DHRS3: variants seen among roughly 807,000 people sequenced by gnomAD.
DHRS3 encodes the protein short-chain dehydrogenase/reductase 3.
In DHRS3, 14 loss-of-function variants were observed where a neutral mutation model predicts 27.2. That is an observed-to-expected ratio of 0.52 (90% confidence interval 0.34 to 0.81). The LOEUF is 0.81. DHRS3 is among the 30% of genes least tolerant of loss of function. The probability of loss-of-function intolerance (pLI) is 0.01; values close to 1 mark genes in which losing one functional copy is unlikely to be tolerated. For missense variants in DHRS3, 322 were observed against 406.2 expected (o/e 0.79, Z 1.78); for synonymous variants, 165 against 175.9 (o/e 0.94, Z 0.49).
intron 1 of DHRS3, among the ~76,000 whole-genome samples, chr1:12,583,206 A>C (rs1335610599): frequency 7.0e-6 from 1 of 141,902 alleles, no homozygotes. Flanking sequence ...CCACCCATCC[A>C]TCCATCTATC....
At chr1:12,600,656 C>T (rs1182512262) in intron 1 of DHRS3, among the ~76,000 whole-genome samples, 2 of 152,126 alleles carry the variant, frequency 1.3e-5, no homozygotes, top group African/African-American at 4.8e-5. Context: ...AAAAGGAAGA[C>T]CCCCCTCACC....
chr1:12,615,495 C>G (rs1646938899), intron 1 of DHRS3, among the ~76,000 whole-genome samples: 1 of 152,196 alleles, frequency 6.6e-6, no homozygotes, highest in African/African-American at 2.4e-5. Flanking sequence ...ATGCCATACA[C>G]TTCTTTCAAT....
chr1:12,612,449 A>G (rs1235746481), intron 1 of DHRS3, among the ~76,000 whole-genome samples: 1 of 152,280 alleles, frequency 6.6e-6, no homozygotes, highest in East Asian at 1.9e-4. Context: ...CCAGCCAGGT[A>G]GAGCTTTTGA....
At chr1:12,613,386 A>G (rs1207812378) in intron 1 of DHRS3, among the ~76,000 whole-genome samples, 2 of 152,172 alleles carry the variant, frequency 1.3e-5, no homozygotes, top group Non-Finnish European at 2.9e-5. Flanking sequence ...CACTGTAAGC[A>G]CCTGGCCACA....
intron 2 of DHRS3, 83 bp downstream of exon 2, chr1:12,580,440 C>T (rs776164772): frequency 3.1e-6 from 5 of 1,598,734 alleles, no homozygotes; most frequent in Non-Finnish European, 4.3e-6. Flanking sequence ...GAGCTCTCTT[C>T]CAGGCCACAT....
Position 12,578,858 on chromosome 1 carries a change from G to C in DHRS3, c.558C>G (p.Ile186Met), listed in dbSNP as rs147019072. ...VLALSAIPGA[I>M]DYCTSKASAF... Reference sequence around the variant, plus strand: ...CTGACGCTTTGGATGTGCAGTAGTCGATGGCACCGGGGATGGCAGACAGTG... The same window carrying C: ...CTGACGCTTTGGATGTGCAGTAGTCCATGGCACCGGGGATGGCAGACAGTG... The change falls in exon 4 of 6, where the codon ATC becomes ATG. Residue 186 changes from isoleucine (I) to methionine (M), a missense_variant. Physicochemically the swap from Ile to Met is conservative, Grantham distance 10. Transcript: ENST00000616661. The surrounding 1 kb of genome is among the most constrained non-coding windows in gnomAD (Gnocchi z 4.5). 9 of 1,613,886 alleles carry C rather than the reference G, an allele frequency of 5.6e-6. No individual in the cohort carries two copies. Among genetic ancestry groups the C allele is most frequent in the Non-Finnish European group, 7.6e-6 (9 of 1,180,036 alleles).
rs1289534663 is a variant in DHRS3, at chr1:12,618,037, G to C, written c.-689C>G. On this transcript the variant is annotated 5_prime_UTR_variant, in exon 1 of 6. Coordinates refer to ENST00000616661, the MANE Select transcript of DHRS3 (RefSeq NM_004753.7). This position sits in a 1 kb window ranked among gnomAD's most constrained non-coding sequence, Gnocchi z 4.2. Reference sequence around the variant, plus strand: ...GGGTGTCAGTTTCTTTACGTGCAGCGCTCGCCCTCGCGCGCGCTCGCTCGC... The same window carrying C: ...GGGTGTCAGTTTCTTTACGTGCAGCCCTCGCCCTCGCGCGCGCTCGCTCGC... Among the ~76,000 whole-genome samples the C allele has an allele frequency of 6.6e-6, 1 of 151,870 alleles. No homozygotes were observed. Among genetic ancestry groups the C allele is most frequent in the Non-Finnish European group, 1.5e-5 (1 of 67,948 alleles).
At chr1:12,580,190 G>C (rs569350023) in intron 2 of DHRS3, 19 of 379,840 alleles carry the variant, frequency 5.0e-5, no homozygotes, top group Middle Eastern at 1.7e-3. Context: ...CTCTCTTGGA[G>C]GTCACTGATA....
At position 12,616,654 on chromosome 1, in the gene DHRS3, C is replaced by T. The variant is rs375078916; in HGVS notation, c.195+500G>A. ...ACAAGACCGCTCTTCCCTTTTCAAA[C>T]CCAAACCAAGTACCCTCTCTCGTGT... On this transcript the variant is annotated intron_variant, in intron 1 of 5. Transcript: ENST00000616661. 8.6e-5 allele frequency: 86 copies of T among 994,328 alleles called. No homozygotes were observed. In the East Asian group the frequency reaches 7.2e-3, roughly 83 times the overall value. The allele number at this position is 994,328 out of a possible 1,614,324, so 61.6% of individuals were successfully genotyped here. A position where few individuals can be genotyped will look rare whatever the true frequency, so the allele number is the denominator to read the frequency against.
Position 12,618,076 on chromosome 1 carries a change from C to T in DHRS3, c.-728G>A, listed in dbSNP as rs1051316878. Among the ~76,000 whole-genome samples the T allele has an allele frequency of 6.6e-6, 1 of 152,160 alleles. No homozygotes were observed. Among genetic ancestry groups the T allele is most frequent in the African/African-American group, 2.4e-5 (1 of 41,450 alleles). Reference sequence around the variant, plus strand: ...GCGCTCGCTCGCTCCGGCTCCCTCCCTCCCTCTCTGTTCCAGCAGAGGCTG... The same window carrying T: ...GCGCTCGCTCGCTCCGGCTCCCTCCTTCCCTCTCTGTTCCAGCAGAGGCTG... On this transcript the variant is annotated 5_prime_UTR_variant, in exon 1 of 6. Coordinates refer to ENST00000616661, the MANE Select transcript of DHRS3 (RefSeq NM_004753.7). The surrounding 1 kb of genome is among the most constrained non-coding windows in gnomAD (Gnocchi z 4.2).
chr1:12,573,689 G>A (rs939287360), intron 4 of DHRS3, among the ~76,000 whole-genome samples: 3 of 152,208 alleles, frequency 2.0e-5, no homozygotes, highest in African/African-American at 7.2e-5. Context: ...TTTGCACAGT[G>A]CTTTCCATGG....
chr1:12,614,208 C>A (rs936992365), intron 1 of DHRS3, among the ~76,000 whole-genome samples: 1 of 152,168 alleles, frequency 6.6e-6, no homozygotes, highest in Non-Finnish European at 1.5e-5. Context: ...CCTACAAATA[C>A]TTCTAAATGA....
At chr1:12,585,069 G>A (rs1646682023) in intron 1 of DHRS3, among the ~76,000 whole-genome samples, 1 of 151,452 alleles carries the variant, frequency 6.6e-6, no homozygotes, top group Non-Finnish European at 1.5e-5. Flanking sequence ...GAGTATGTGT[G>A]TGTGTGTCTG....
At chr1:12,568,756 T>A (rs1364757170) in intron 5 of DHRS3, among the ~76,000 whole-genome samples, 1 of 152,020 alleles carries the variant, frequency 6.6e-6, no homozygotes, top group Non-Finnish European at 1.5e-5. Flanking sequence ...TGAAACCCTG[T>A]CTCTACAAAA....
At chr1:12,573,204 C>G (rs1646554951) in intron 4 of DHRS3, among the ~76,000 whole-genome samples, 2 of 152,218 alleles carry the variant, frequency 1.3e-5, no homozygotes, top group African/African-American at 4.8e-5. Flanking sequence ...CACTCTGCTC[C>G]TTCAGGACAG....
intron 2 of DHRS3, 72 bp from the exon 3 acceptor site, chr1:12,579,484 G>C: frequency 1.3e-6 from 2 of 1,559,492 alleles, no homozygotes; most frequent in Non-Finnish European, 1.7e-6. Flanking sequence ...TTTTTTGTTT[G>C]TTTGTTTTTG....
At chr1:12,606,286 A>G (rs2100717105) in intron 1 of DHRS3, among the ~76,000 whole-genome samples, 1 of 148,294 alleles carries the variant, frequency 6.7e-6, no homozygotes, top group African/African-American at 2.5e-5. Flanking sequence ...TTGTGCTCTA[A>G]CTGAAGAGGA....
chr1:12,578,954 G>A lies in DHRS3; in HGVS notation c.462C>T (p.Thr154=). 6.2e-7 allele frequency: 1 copy of A among 1,611,358 alleles called. No individual in the cohort carries two copies. Among genetic ancestry groups the A allele is most frequent in the Non-Finnish European group, 8.5e-7 (1 of 1,179,502 alleles). ...QHINTLGQFW[T]TKAFLPRMLE... is the part of the protein sequence containing the mutation. The stretch of plus-strand genomic sequence containing the variant: ...GCATACGCGGCAGGAAGGCCTTGGT[G>A]GTCTGAGGGCAGATGGGGTGTCAGG... The change falls in exon 4 of 6, where the codon ACC becomes ACT. Residue 154 remains threonine (T), a splice_region_variant and synonymous_variant. Transcript: ENST00000616661. The surrounding 1 kb of genome is among the most constrained non-coding windows in gnomAD (Gnocchi z 4.5).
intron 3 of DHRS3, 66 bp from the exon 4 acceptor site, chr1:12,579,022 G>T (rs182935655): frequency 2.1e-6 from 3 of 1,453,886 alleles, no homozygotes; most frequent in Non-Finnish European, 2.8e-6. Flanking sequence ...CCTTTCTTTC[G>T]GGGAGAACAG....
Sources: allele counts gnomAD v4.1 joint callset (sites outside exome capture counted in the v4.1 genomes callset), GRCh38; gene constraint gnomAD v4.1.1; non-coding constraint Gnocchi (gnomAD v3.1); transcripts MANE v1.5; gene names NCBI Gene and HGNC (gene_info 2026-07-23, HGNC 2026-07-21).